The following SLC7A14 variants were observed in gnomAD, a reference collection of about 807,000 sequenced individuals.
The protein encoded by SLC7A14 is solute carrier family 7 member 14.
SLC7A14 carries 37 observed loss-of-function variants against 60.2 expected under a neutral mutation model. The ratio of observed to expected loss-of-function variants is 0.61; its 90% CI spans 0.47 to 0.81. The LOEUF (loss-of-function observed/expected upper bound fraction) is 0.81. SLC7A14 is among the 30% of genes least tolerant of loss of function. The pLI is 0.00. For synonymous variants in SLC7A14, 399 were observed against 395.8 expected (o/e 1.01, Z -0.10); for missense variants, 886 against 982.7 (o/e 0.90, Z 1.32).
At chr3:170,510,803 T>C (rs1337308714) in intron 2 of SLC7A14, among the ~76,000 whole-genome samples, 1 of 152,182 alleles carries the variant, frequency 6.6e-6, no homozygotes, top group Non-Finnish European at 1.5e-5. Flanking sequence ...GGCTTCAGGT[T>C]ATCATCAAAG....
intron 1 of SLC7A14, among the ~76,000 whole-genome samples, chr3:170,566,378 G>A (rs750962974): frequency 2.0e-5 from 3 of 152,164 alleles, no homozygotes; most frequent in Non-Finnish European, 2.9e-5. Context: ...CTTAGTGTTC[G>A]AAGTTGGAGC....
At chr3:170,543,942 G>T (rs1158408146) in intron 1 of SLC7A14, among the ~76,000 whole-genome samples, 2 of 151,560 alleles carry the variant, frequency 1.3e-5, no homozygotes, top group Non-Finnish European at 2.9e-5. Flanking sequence ...TAGAGACAGG[G>T]TTTCACTATG....
intron 2 of SLC7A14, among the ~76,000 whole-genome samples, chr3:170,520,076 T>C (rs1326318877): frequency 6.6e-6 from 1 of 152,232 alleles, no homozygotes; most frequent in East Asian, 1.9e-4. Flanking sequence ...TGCAATTGAA[T>C]GTAATATAAT....
intron 1 of SLC7A14, among the ~76,000 whole-genome samples, chr3:170,553,364 C>T (rs1714401002): frequency 6.6e-6 from 1 of 152,120 alleles, no homozygotes; most frequent in South Asian, 2.1e-4. Flanking sequence ...AGATGTATTA[C>T]CATTTGTTTA....
rs187597305 is a variant in SLC7A14, at chr3:170,489,964, C to T, written c.760-3596G>A. Among the ~76,000 whole-genome samples the T allele has an allele frequency of 1.4e-4, 13 of 95,660 alleles. No individual in the cohort carries two copies. The East Asian group carries it at 1.5e-3, about 11-fold the overall frequency. The allele number at this position is 95,660 out of a possible 152,430, so 62.8% of individuals were successfully genotyped here. Reference sequence around the variant, plus strand: ...CTGGGAAGGATAGTTGGGGGCTGGACGGGGGGAGGTGGGGATGGTTAATGG... The same window carrying T: ...CTGGGAAGGATAGTTGGGGGCTGGATGGGGGGAGGTGGGGATGGTTAATGG... On this transcript the variant is annotated intron_variant, in intron 4 of 7. Coordinates refer to ENST00000231706, the MANE Select transcript of SLC7A14 (RefSeq NM_020949.3).
chr3:170,495,899 G>T (rs1325498328), intron 4 of SLC7A14: 2 of 1,427,614 alleles, frequency 1.4e-6, no homozygotes, highest in African/African-American at 1.4e-5. Context: ...CTCTGGGCTA[G>T]GAGAAGCTGA....
chr3:170,549,164 C>T (rs1225470300), intron 1 of SLC7A14, among the ~76,000 whole-genome samples: 3 of 151,220 alleles, frequency 2.0e-5, no homozygotes, highest in African/African-American at 7.3e-5. Context: ...GAGAAAGTGA[C>T]TAGTTCAATA....
rs181011740 is a variant in SLC7A14, at chr3:170,467,288, G to A, written c.2083C>T (p.Arg695Cys). The A allele has an allele frequency of 1.4e-4, 228 of 1,614,220 alleles. No individual in the cohort carries two copies. In the East Asian group the frequency reaches 2.0e-3, roughly 14 times the overall value. ...GAGAAGGGGTCATCCACGTCGTAGC[G>A]TTGGTACGTGCTTTGGTGCAGGGCC... ...EEALHQSTYQ[R>C]YDVDDPFSVE... Residue 695 changes from arginine to cysteine, a missense_variant, in exon 8 of 8, where the codon CGC becomes TGC. Physicochemically the swap from Arg to Cys is radical, Grantham distance 180 (BLOSUM62 -3). Transcript: ENST00000231706.
At chr3:170,578,908 G>T (rs1355919138) in intron 1 of SLC7A14, among the ~76,000 whole-genome samples, 1 of 152,166 alleles carries the variant, frequency 6.6e-6, no homozygotes, top group Non-Finnish European at 1.5e-5. Flanking sequence ...CTAAGTTCTT[G>T]CAACATGGAT....
intron 2 of SLC7A14, among the ~76,000 whole-genome samples, chr3:170,502,428 A>G (rs180758006): frequency 5.5e-4 from 84 of 152,360 alleles, no homozygotes; most frequent in Middle Eastern, 3.4e-3. Flanking sequence ...AAAGAGATTA[A>G]GAACATACCA....
chr3:170,470,322 G>GTGTGTGTGTGTA (rs1308523080), intron 7 of SLC7A14, among the ~76,000 whole-genome samples: 1 of 151,606 alleles, frequency 6.6e-6, no homozygotes, highest in African/African-American at 2.4e-5. Flanking sequence ...GTGTGTGTGT[G>GTGTGTGTGTGTA]TGTGTGTGTG....
At chr3:170,476,043 T>C (rs1284028955) in intron 7 of SLC7A14, among the ~76,000 whole-genome samples, 2 of 152,186 alleles carry the variant, frequency 1.3e-5, no homozygotes, top group African/African-American at 4.8e-5. Context: ...AGTTCCCCGA[T>C]GACATTGATG....
rs143547790 is a variant in SLC7A14 at position 170,472,807 on chromosome 3, A to C, written c.1994-5430T>G. On this transcript the variant is annotated intron_variant, in intron 7 of 7. Transcript: ENST00000231706. ...AGAAAGTCTGTTTGCAGTGACGGGA[A>C]ATATTCAAAGGGAGGCTTTGGCTTC... is the stretch of plus-strand genomic sequence containing the variant. Among the ~76,000 whole-genome samples, 1,496 of 152,122 alleles carry C rather than the reference A, an allele frequency of 9.8e-3. 23 individuals are homozygous for C. Among genetic ancestry groups the C allele is most frequent in the Non-Finnish European group, 9.6e-3 (651 of 67,998 alleles).
intron 7 of SLC7A14, among the ~76,000 whole-genome samples, chr3:170,478,087 A>G (rs1711686909): frequency 6.6e-6 from 1 of 152,068 alleles, no homozygotes; most frequent in African/African-American, 2.4e-5. Context: ...TTTTTTAAAA[A>G]AATTTTTTGA....
chr3:170,558,958 A>G (rs1041105400), intron 1 of SLC7A14, among the ~76,000 whole-genome samples: 1 of 152,180 alleles, frequency 6.6e-6, no homozygotes, highest in Non-Finnish European at 1.5e-5. Context: ...AAACTGAAGA[A>G]TGTGAGCTGT....
chr3:170,470,308 A>ATGTGTGTGTGTGTGTGTGTGTGTGTG (rs60682275), intron 7 of SLC7A14, among the ~76,000 whole-genome samples: 29 of 143,696 alleles, frequency 2.0e-4, no homozygotes, highest in African/African-American at 7.0e-4. Context: ...TGGAAGGAAC[A>ATGTGTGTGTGTGTGTGTGTGTGTGTG]TGTGTGTGTG....
chr3:170,502,511 G>A (rs754006632), intron 2 of SLC7A14, among the ~76,000 whole-genome samples: 2 of 152,174 alleles, frequency 1.3e-5, no homozygotes, highest in Non-Finnish European at 1.5e-5. Flanking sequence ...GTGGGGCAAC[G>A]AGTTGGAGGT....
At chr3:170,479,275 G>T (rs1711734208) in intron 7 of SLC7A14, among the ~76,000 whole-genome samples, 1 of 152,148 alleles carries the variant, frequency 6.6e-6, no homozygotes, top group Non-Finnish European at 1.5e-5. Flanking sequence ...AGCTTCTAAA[G>T]ATCCTCTTTA....
chr3:170,524,620 C>T (rs990024248), intron 2 of SLC7A14, among the ~76,000 whole-genome samples: 1 of 152,220 alleles, frequency 6.6e-6, no homozygotes, highest in East Asian at 1.9e-4. Flanking sequence ...TCCTACTATC[C>T]ACATTTTGTT....
Sources: gnomAD v4.1 joint callset for allele counts (sites outside exome capture counted in the v4.1 genomes callset) on GRCh38, gnomAD v4.1.1 for gene constraint, MANE v1.5 for transcripts, NCBI Gene and HGNC (gene_info 2026-07-23, HGNC 2026-07-21) for gene names.